LHFPL3: variants seen among roughly 807,000 people sequenced by gnomAD.
The protein encoded by LHFPL3 is LHFPL tetraspan subfamily member 3, also known as LHFPL tetraspan subfamily member 3 protein.
Under a neutral mutation model 19.3 loss-of-function variants are expected in LHFPL3, and 5 were observed. That is an observed-to-expected ratio of 0.26 (90% CI 0.14 to 0.54). The LOEUF (loss-of-function observed/expected upper bound fraction) is 0.54. Ranked by LOEUF, LHFPL3 falls within the 20% of genes least tolerant of loss-of-function variation. The pLI, the probability that LHFPL3 is intolerant of heterozygous loss-of-function variation, is 0.94. For missense variants in LHFPL3, 249 were observed against 307.4 expected, an observed-to-expected ratio of 0.81 and a Z score of 1.42; for synonymous variants, 133 against 126.2, an observed-to-expected ratio of 1.05 and a Z score of -0.36.
chr7:104,388,261 T>C (rs1332017447), intron 1 of LHFPL3, among the ~76,000 whole-genome samples: 1 of 152,218 alleles, frequency 6.6e-6, no homozygotes, highest in Non-Finnish European at 1.5e-5. Flanking sequence ...CATGCATATG[T>C]CTTTATGGTA....
intron 1 of LHFPL3, among the ~76,000 whole-genome samples, chr7:104,579,049 C>A (rs1266579277): frequency 6.6e-6 from 1 of 152,142 alleles, no homozygotes; most frequent in Non-Finnish European, 1.5e-5. Context: ...TGGTACAAAA[C>A]ATACTGCTTA....
chr7:104,495,672 C>T (rs759041418), intron 1 of LHFPL3, among the ~76,000 whole-genome samples: 8 of 152,144 alleles, frequency 5.3e-5, no homozygotes, highest in African/African-American at 1.7e-4. Context: ...CTTGAGCTAA[C>T]GCGCCTGGCC....
intron 1 of LHFPL3, among the ~76,000 whole-genome samples, chr7:104,584,513 A>C (rs887075904): frequency 4.6e-5 from 7 of 152,284 alleles, no homozygotes; most frequent in Admixed American, 2.6e-4. Flanking sequence ...CATCTTTATT[A>C]GAGAAGTTTT....
chr7:104,764,160 T>C (rs1794418390), intron 2 of LHFPL3, among the ~76,000 whole-genome samples: 1 of 152,176 alleles, frequency 6.6e-6, no homozygotes, highest in Non-Finnish European at 1.5e-5. Context: ...GACAGTCCTT[T>C]TTTTGTTTGT....
intron 2 of LHFPL3, chr7:104,796,810 G>A (rs1008026331): frequency 1.3e-5 from 2 of 152,656 alleles, no homozygotes; most frequent in African/African-American, 4.8e-5. Flanking sequence ...CAAGGACCTA[G>A]GTTGTATCTG....
chr7:104,480,766 T>G (rs774869585), intron 1 of LHFPL3, among the ~76,000 whole-genome samples: 2 of 152,186 alleles, frequency 1.3e-5, no homozygotes, highest in Non-Finnish European at 2.9e-5. Context: ...GCATTTGGTA[T>G]GCAAATAAGC....
chr7:104,425,562 AC>A (rs1392995262), intron 1 of LHFPL3, among the ~76,000 whole-genome samples: 1 of 152,182 alleles, frequency 6.6e-6, no homozygotes, highest in African/African-American at 2.4e-5. Flanking sequence ...CAAAATTTTC[AC>A]AAGGGGAAAA....
chr7:104,611,712 AT>A (rs1314738422), intron 1 of LHFPL3, among the ~76,000 whole-genome samples: 1 of 152,194 alleles, frequency 6.6e-6, no homozygotes, highest in Non-Finnish European at 1.5e-5. Flanking sequence ...AAGACAATTG[AT>A]TAAAAGGCAG....
intron 1 of LHFPL3, among the ~76,000 whole-genome samples, chr7:104,469,511 C>A (rs1445766025): frequency 1.3e-5 from 2 of 152,086 alleles, no homozygotes; most frequent in African/African-American, 4.8e-5. Flanking sequence ...TAATATTAAC[C>A]AGGTTTAGCT....
At chr7:104,639,698 G>A (rs1333851520) in intron 1 of LHFPL3, among the ~76,000 whole-genome samples, 1 of 152,168 alleles carries the variant, frequency 6.6e-6, no homozygotes, top group East Asian at 1.9e-4. Flanking sequence ...GCAATGCAAT[G>A]CAGACTATGG....
At chr7:104,567,415 T>G (rs566453415) in intron 1 of LHFPL3, among the ~76,000 whole-genome samples, 2 of 152,296 alleles carry the variant, frequency 1.3e-5, no homozygotes, top group South Asian at 4.2e-4. Flanking sequence ...CCCATGTGTT[T>G]AGGGTGATAT....
At chr7:104,814,536 G>T (rs1316495674) in intron 2 of LHFPL3, among the ~76,000 whole-genome samples, 1 of 152,174 alleles carries the variant, frequency 6.6e-6, no homozygotes, top group Non-Finnish European at 1.5e-5. Context: ...GGAACTGGCA[G>T]CCTGACTCCC....
intron 1 of LHFPL3, among the ~76,000 whole-genome samples, chr7:104,576,578 C>T (rs1562939726): frequency 6.6e-6 from 1 of 152,154 alleles, no homozygotes; most frequent in Non-Finnish European, 1.5e-5. Context: ...CCATAGTGAA[C>T]ATAGATCTTC....
At chr7:104,657,371 T>C (rs780791663) in intron 1 of LHFPL3, among the ~76,000 whole-genome samples, 15 of 152,248 alleles carry the variant, frequency 9.9e-5, no homozygotes, top group Non-Finnish European at 1.9e-4. Context: ...GCTAATGGCA[T>C]TGGAAAGGCC....
chr7:104,592,147 C>A (rs1221125803), intron 1 of LHFPL3, among the ~76,000 whole-genome samples: 1 of 152,150 alleles, frequency 6.6e-6, no homozygotes, highest in South Asian at 2.1e-4. Flanking sequence ...CTCCATCCAG[C>A]TTTGTTCCAT....
intron 1 of LHFPL3, among the ~76,000 whole-genome samples, chr7:104,591,626 G>T (rs1024413581): frequency 6.6e-6 from 1 of 152,080 alleles, no homozygotes; most frequent in African/African-American, 2.4e-5. Flanking sequence ...TATCTTTGTG[G>T]CGTTCTCTGT....
At chr7:104,453,543 C>A (rs1005536199) in intron 1 of LHFPL3, among the ~76,000 whole-genome samples, 2 of 152,148 alleles carry the variant, frequency 1.3e-5, no homozygotes, top group African/African-American at 4.8e-5. Context: ...CTTACAATAG[C>A]AACTTTTCTA....
chr7:104,742,556 T>C (rs966628712), intron 2 of LHFPL3, among the ~76,000 whole-genome samples: 1 of 152,136 alleles, frequency 6.6e-6, no homozygotes, highest in Non-Finnish European at 1.5e-5. Flanking sequence ...AGTGGAAAGA[T>C]TGTCCACTTG....
intron 2 of LHFPL3, among the ~76,000 whole-genome samples, chr7:104,795,343 G>A (rs367772175): frequency 6.6e-6 from 1 of 152,148 alleles, no homozygotes. Flanking sequence ...CAGCCTTCTG[G>A]ATGAGAGGAA....
Sources: gnomAD v4.1 joint callset for allele counts (sites outside exome capture counted in the v4.1 genomes callset) on GRCh38, gnomAD v4.1.1 for gene constraint, MANE v1.5 for transcripts, NCBI Gene and HGNC (gene_info 2026-07-23, HGNC 2026-07-21) for gene names.